Variants in SEPTIN9 observed in about 807,000 individuals in gnomAD.
The protein encoded by SEPTIN9 is septin-9.
In SEPTIN9, 13 loss-of-function variants were observed where a neutral mutation model predicts 56.6. The ratio of observed to expected loss-of-function variants is 0.23; its 90% confidence interval spans 0.15 to 0.37. The LOEUF is 0.37. Ranked by LOEUF, SEPTIN9 falls within the 10% of genes least tolerant of loss-of-function variation. The pLI, the probability that SEPTIN9 is intolerant of heterozygous loss-of-function variation, is 1.00. For synonymous variants in SEPTIN9, 332 were observed against 334.1 expected, an observed-to-expected ratio of 0.99 and a Z score of 0.07; for missense variants, 650 against 823.1, an observed-to-expected ratio of 0.79 and a Z score of 2.57.
chr17:77,494,791 C>T (rs1287494359), intron 10 of SEPTIN9, among the ~76,000 whole-genome samples: 7 of 152,186 alleles, frequency 4.6e-5, no homozygotes, highest in East Asian at 1.9e-4. Context: ...CAGACTCCCT[C>T]GAGATGGGAG....
chr17:77,448,402 G>A (rs2144388097), intron 3 of SEPTIN9, among the ~76,000 whole-genome samples: 1 of 152,110 alleles, frequency 6.6e-6, no homozygotes, highest in East Asian at 1.9e-4. Flanking sequence ...CTTGAACTCA[G>A]GAGACGGAGG....
chr17:77,370,030 C>T (rs1159664242), intron 2 of SEPTIN9, among the ~76,000 whole-genome samples: 1 of 152,200 alleles, frequency 6.6e-6, no homozygotes, highest in Non-Finnish European at 1.5e-5. Context: ...CAGTGATCTG[C>T]TGGACGGGTG....
intron 4 of SEPTIN9, chr17:77,484,253 G>GGAT (rs2143250123): frequency 1.9e-5 from 1 of 52,232 alleles, no homozygotes; most frequent in Non-Finnish European, 3.7e-5. Context: ...GAGATGATGG[G>GGAT]GATGATGGTG....
chr17:77,314,309 T>C (rs1269200057), intron 2 of SEPTIN9, among the ~76,000 whole-genome samples: 3 of 150,092 alleles, frequency 2.0e-5, no homozygotes, highest in Non-Finnish European at 4.4e-5. Flanking sequence ...CCCAAGTAGC[T>C]GGGATTACAG....
At position 77,487,267 on chromosome 17, in the gene SEPTIN9, C is replaced by G. The variant is rs1430092260; in HGVS notation, c.914-157C>G. Among the ~76,000 whole-genome samples, 1 of 152,142 alleles carries G rather than the reference C, an allele frequency of 6.6e-6. No homozygotes were observed. Among genetic ancestry groups the G allele is most frequent in the Non-Finnish European group, 1.5e-5 (1 of 68,006 alleles). ...GGACACCCGGCTCGAGGGTGAAGTC[C>G]TCGGGGGCTGCTTGGCAGGGATATT... On this transcript the variant is annotated intron_variant, in intron 4 of 11. Transcript: ENST00000427177. This position sits in a 1 kb window ranked among gnomAD's most constrained non-coding sequence, Gnocchi z 4.3.
intron 8 of SEPTIN9, among the ~76,000 whole-genome samples, chr17:77,491,388 A>G (rs927510848): frequency 6.6e-6 from 1 of 151,884 alleles, no homozygotes; most frequent in African/African-American, 2.4e-5. Context: ...AGTAGAGACG[A>G]GGTTTTGCCA....
chr17:77,384,159 G>A lies in SEPTIN9; in HGVS notation c.77-17900G>A, dbSNP rs369078290. 6.1e-3 allele frequency among the ~76,000 whole-genome samples: 922 copies of A among 152,302 alleles called. 9 individuals are homozygous for A. Among genetic ancestry groups the A allele is most frequent in the African/African-American group, 0.02 (846 of 41,554 alleles). ...GAGGCTGGCGGGAGGCTGGCTGGGG[G>A]CTGGCTGGGGGCTGCTCCCTCTCCT... On this transcript the variant is annotated intron_variant, in intron 2 of 11. Transcript: ENST00000427177.
At chr17:77,413,826 G>A (rs1767313679) in intron 3 of SEPTIN9, among the ~76,000 whole-genome samples, 1 of 151,192 alleles carries the variant, frequency 6.6e-6, no homozygotes, top group Admixed American at 6.6e-5. Flanking sequence ...TTGACACCAC[G>A]AACCAGGACA....
At chr17:77,422,804 T>C (rs2036753310) in intron 3 of SEPTIN9, among the ~76,000 whole-genome samples, 1 of 152,188 alleles carries the variant, frequency 6.6e-6, no homozygotes, top group Non-Finnish European at 1.5e-5. Context: ...TGCAGCTTCC[T>C]GGGCCCTAAC....
At chr17:77,374,176 C>T (rs2034829244) in intron 2 of SEPTIN9, 1 of 152,372 alleles carries the variant, frequency 6.6e-6, no homozygotes, top group Non-Finnish European at 1.5e-5. Context: ...CCATGGCCCC[C>T]ATCCAGGCCT....
At chr17:77,372,021 G>A (rs2034734006) in intron 2 of SEPTIN9, among the ~76,000 whole-genome samples, 1 of 152,148 alleles carries the variant, frequency 6.6e-6, no homozygotes, top group Non-Finnish European at 1.5e-5. Context: ...GTGGGGAGGG[G>A]CAAGTGGGCA....
At chr17:77,423,451 C>T (rs2036777471) in intron 3 of SEPTIN9, among the ~76,000 whole-genome samples, 1 of 152,218 alleles carries the variant, frequency 6.6e-6, no homozygotes, top group Admixed American at 6.5e-5. Context: ...ACCCAGATGG[C>T]GGCCTGGAGG....
rs918378669 is a variant in SEPTIN9, at chr17:77,330,461, G to A, written c.76+23264G>A. The stretch of plus-strand genomic sequence containing the variant: ...ATCTCACCAGCTCCTGAGTTTTGGC[G>A]CTGCTCTTGGCGATGGCGTGGACTC... On this transcript the variant is annotated intron_variant, in intron 2 of 11. Transcript: ENST00000427177. The surrounding 1 kb of genome is among the most constrained non-coding windows in gnomAD (Gnocchi z 4.4). Among the ~76,000 whole-genome samples the A allele has an allele frequency of 3.3e-5, 5 of 152,190 alleles. No homozygotes were observed. The highest frequency in any genetic ancestry group is 7.2e-5 in the African/African-American group (3 of 41,444).
At chr17:77,385,652 A>G (rs2035311349) in intron 2 of SEPTIN9, among the ~76,000 whole-genome samples, 2 of 152,352 alleles carry the variant, frequency 1.3e-5, no homozygotes, top group South Asian at 4.1e-4. Context: ...GGAAAGTGTC[A>G]CATTCCCTGG....
At chr17:77,401,812 G>A (rs1905324100) in intron 2 of SEPTIN9, among the ~76,000 whole-genome samples, 2 of 152,054 alleles carry the variant, frequency 1.3e-5, no homozygotes, top group African/African-American at 4.8e-5. Flanking sequence ...GGTTTGCGCC[G>A]TGGCCATGGC....
At chr17:77,427,703 T>C (rs1319519656) in intron 3 of SEPTIN9, among the ~76,000 whole-genome samples, 1 of 152,176 alleles carries the variant, frequency 6.6e-6, no homozygotes, top group Non-Finnish European at 1.5e-5. Flanking sequence ...ACTCTGTGCC[T>C]GCCTGCAGGG....
At chr17:77,281,764 T>G in intron 1 of SEPTIN9, 2 of 515,778 alleles carry the variant, frequency 3.9e-6, no homozygotes, top group Admixed American at 4.0e-5. Flanking sequence ...CTCCAGCCCT[T>G]GCTCGAGTGT....
chr17:77,496,648 C>G (rs972000271), intron 10 of SEPTIN9, among the ~76,000 whole-genome samples: 2 of 152,250 alleles, frequency 1.3e-5, no homozygotes, highest in Non-Finnish European at 2.9e-5. Context: ...CCCAGTCTCC[C>G]TGAGAAGTGG....
Position 77,498,677 on chromosome 17 carries a change from C to CCCGGGAA in SEPTIN9, c.*20_*21insCGGGAAC. ...GATGTAGACGCCACCCTGCCCACCCCCGGGATCCTGCCCCCAAGTCATTTC... is the reference window on the plus strand; with the variant it reads ...GATGTAGACGCCACCCTGCCCACCCCCCGGGAACGGGATCCTGCCCCCAAGTCATTTC... On this transcript the variant is annotated 3_prime_UTR_variant, in exon 12 of 12. Transcript: ENST00000427177. 2 of 1,521,670 alleles carry CCCGGGAA rather than the reference C, an allele frequency of 1.3e-6. No individual in the cohort carries two copies. The highest frequency in any genetic ancestry group is 1.2e-5 in the South Asian group (1 of 85,906). 94.3% of individuals were successfully genotyped at this position (1,521,670 alleles called of 1,614,324 possible).
Sources: allele counts gnomAD v4.1 joint callset (sites outside exome capture counted in the v4.1 genomes callset), GRCh38; gene constraint gnomAD v4.1.1; non-coding constraint Gnocchi (gnomAD v3.1); transcripts MANE v1.5; gene names NCBI Gene and HGNC (gene_info 2026-07-23, HGNC 2026-07-21).